Variants in TMEM232 observed in about 807,000 individuals in gnomAD.
The protein encoded by TMEM232 is transmembrane protein 232.
A neutral mutation model predicts 78.8 loss-of-function variants in TMEM232; 80 were observed. The observed-to-expected ratio is 1.01, with a 90% CI of 0.85 to 1.22. The LOEUF (loss-of-function observed/expected upper bound fraction) is 1.22, where lower values mean the gene tolerates loss of function less well. Ranked by LOEUF, TMEM232 falls within the 50% of genes most tolerant of loss-of-function variation. The pLI, the probability that TMEM232 is intolerant of heterozygous loss-of-function variation, is 0.00. For missense variants in TMEM232, 881 were observed against 742.2 expected (o/e 1.19, Z -2.17); for synonymous variants, 297 against 254.3 (o/e 1.17, Z -1.60).
intron 11 of TMEM232, among the ~76,000 whole-genome samples, chr5:110,564,239 T>C (rs527723615): frequency 1.3e-5 from 2 of 151,940 alleles, no homozygotes; most frequent in Non-Finnish European, 2.9e-5. Flanking sequence ...AAAATATGTA[T>C]TTCCTGATTA....
rs541221302 is a variant in TMEM232 at position 110,447,199 on chromosome 5, T to C, written c.1704-22283A>G. Reference sequence around the variant, plus strand: ...GCTTTTGCAGGTCACACAAAATGATTTTAAAAGGAAATCAAAGAAAGTTGA... The same window carrying C: ...GCTTTTGCAGGTCACACAAAATGATCTTAAAAGGAAATCAAAGAAAGTTGA... On this transcript the variant is annotated intron_variant, in intron 12 of 13. Transcript: ENST00000455884. Among the ~76,000 whole-genome samples the C allele has an allele frequency of 4.0e-5, 6 of 151,812 alleles. No individual in the cohort carries two copies. In the South Asian group the frequency reaches 1.2e-3, roughly 32 times the overall value.
intron 2 of TMEM232, among the ~76,000 whole-genome samples, chr5:110,657,400 T>TGC (rs1320372314): frequency 6.6e-6 from 1 of 151,858 alleles, no homozygotes; most frequent in Non-Finnish European, 1.5e-5. Context: ...TGTGTGTGTG[T>TGC]GTGTGTGTAG....
chr5:110,691,586 A>G (rs1794125741), intron 1 of TMEM232, among the ~76,000 whole-genome samples: 2 of 152,224 alleles, frequency 1.3e-5, no homozygotes, highest in South Asian at 4.1e-4. Context: ...CCTACATACT[A>G]AAACTGAACT....
chr5:110,707,141 C>T (rs1192748292), intron 1 of TMEM232, among the ~76,000 whole-genome samples: 1 of 152,114 alleles, frequency 6.6e-6, no homozygotes, highest in African/African-American at 2.4e-5. Context: ...TGCAGGAACA[C>T]CAAATTTTAA....
chr5:110,725,510 C>A (rs926757590), intron 1 of TMEM232: 2 of 152,128 alleles, frequency 1.3e-5, no homozygotes, highest in African/African-American at 4.8e-5. Flanking sequence ...ATGAATCAGA[C>A]GTTCAGCAAG....
At position 110,568,640 on chromosome 5, in the gene TMEM232, A is replaced by G. The variant is rs775277730; in HGVS notation, c.1277-15T>C. ...TACTTGATCACCTGTTTAAAAAGAA[A>G]AAGTCTTTGGGAATTATCATTTTAT... On this transcript the variant is annotated splice_polypyrimidine_tract_variant and intron_variant, in intron 10 of 13. Transcript: ENST00000455884. 2 of 1,522,874 alleles carry G rather than the reference A, an allele frequency of 1.3e-6. No individual in the cohort carries two copies. Among genetic ancestry groups the G allele is most frequent in the South Asian group, 1.3e-5 (1 of 78,320 alleles). The allele number at this position is 1,522,874 out of a possible 1,614,324, so 94.3% of individuals were successfully genotyped here.
intron 1 of TMEM232, among the ~76,000 whole-genome samples, chr5:110,696,958 A>C (rs551707097): frequency 6.6e-6 from 1 of 152,326 alleles, no homozygotes; most frequent in South Asian, 2.1e-4. Context: ...TTTAAAGTTC[A>C]TATGGAACCA....
rs1758986348 is a variant in TMEM232, at chr5:110,441,082, CTGTTCATGGTTCT to C, written c.1704-16179_1704-16167del. Among the ~76,000 whole-genome samples the C allele has an allele frequency of 3.3e-5, 5 of 152,116 alleles. No homozygotes were observed. The South Asian group carries it at 1.0e-3, about 32-fold the overall frequency. On this transcript the variant is annotated intron_variant, in intron 12 of 13. Coordinates refer to ENST00000455884, the MANE Select transcript of TMEM232 (RefSeq NM_001039763.4). ...CTGCTTTGACGCAGGTATGTCACTT[CTGTTCATGGTTCT>C]TGCCAAAAAATGCAAGTCTCTGGAT...
In TMEM232 at chr5:110,507,980, A is replaced by G. The variant is rs567963531; in HGVS notation, c.1703+20608T>C. Among the ~76,000 whole-genome samples the G allele has an allele frequency of 8.7e-4, 132 of 152,328 alleles. 1 individual carries two copies. Among genetic ancestry groups the G allele is most frequent in the African/African-American group, 3.1e-3 (130 of 41,586 alleles). On this transcript the variant is annotated intron_variant, in intron 12 of 13. Transcript: ENST00000455884. ...CTTTGCTTGATATCTGTATGCTAATAGGTGGTTGACTTGTCAGCCAACTGT... is the reference window on the plus strand; with the variant it reads ...CTTTGCTTGATATCTGTATGCTAATGGGTGGTTGACTTGTCAGCCAACTGT...
chr5:110,652,284 G>A (rs894473640), intron 2 of TMEM232, among the ~76,000 whole-genome samples: 12 of 26,380 alleles, frequency 4.5e-4, no homozygotes, highest in Admixed American at 2.2e-3. Flanking sequence ...ACACAAAAGT[G>A]CACGCGCGCG....
intron 1 of TMEM232, among the ~76,000 whole-genome samples, chr5:110,724,020 T>G (rs1368974132): frequency 1.3e-5 from 2 of 152,098 alleles, no homozygotes; most frequent in African/African-American, 4.8e-5. Flanking sequence ...TGAACCACAG[T>G]CAAGTTGTTG....
At chr5:110,618,168 T>C (rs6882222) in intron 8 of TMEM232, among the ~76,000 whole-genome samples, 59,567 of 151,906 alleles carry the variant, frequency 0.39, 16,166 homozygotes, top group African/African-American at 0.77. Context: ...AACTTTTTGT[T>C]AATAAAAAAC....
At chr5:110,705,378 A>G (rs1795823719) in intron 1 of TMEM232, among the ~76,000 whole-genome samples, 1 of 152,130 alleles carries the variant, frequency 6.6e-6, no homozygotes, top group African/African-American at 2.4e-5. Context: ...ATACTTACCA[A>G]TCTAAATAGA....
At chr5:110,395,498 G>C (rs1580546581) in intron 3 of TMEM232, among the ~76,000 whole-genome samples, 2 of 152,050 alleles carry the variant, frequency 1.3e-5, no homozygotes, top group Non-Finnish European at 1.5e-5. Flanking sequence ...CTCATGTCTC[G>C]ACTCTTATTT....
chr5:110,726,145 G>A (rs1255630486), intron 1 of TMEM232, among the ~76,000 whole-genome samples: 6 of 128,378 alleles, frequency 4.7e-5, no homozygotes, highest in African/African-American at 9.9e-5. Context: ...CACACAGAGC[G>A]CCAAATTTTT....
At chr5:110,461,987 T>G (rs978042547) in intron 12 of TMEM232, among the ~76,000 whole-genome samples, 2 of 152,220 alleles carry the variant, frequency 1.3e-5, no homozygotes, top group South Asian at 2.1e-4. Flanking sequence ...GTTGGTTTCA[T>G]GTCTTTTAAC....
chr5:110,516,612 T>C (rs1768694864), intron 12 of TMEM232, among the ~76,000 whole-genome samples: 1 of 152,044 alleles, frequency 6.6e-6, no homozygotes, highest in African/African-American at 2.4e-5. Flanking sequence ...TTTAAAAAAA[T>C]GCTGAGGGGC....
In TMEM232 at chr5:110,537,292, T is replaced by TATA. The variant is rs563922305; in HGVS notation, c.1456-8458_1456-8457insTAT. ...AAGAGAAAACTTATATATATATATA[T>TATA]TTTTTTTTTTCTGCAATGCTGTTTG... On this transcript the variant is annotated intron_variant, in intron 11 of 13. Coordinates refer to ENST00000455884, the MANE Select transcript of TMEM232 (RefSeq NM_001039763.4). Among the ~76,000 whole-genome samples, 708 of 138,580 alleles carry TATA rather than the reference T, an allele frequency of 5.1e-3. 9 individuals are homozygous for TATA. The highest frequency in any genetic ancestry group is 0.02 in the African/African-American group (677 of 34,116). 90.9% of individuals were successfully genotyped at this position (138,580 alleles called of 152,430 possible).
At chr5:110,426,741 G>GA (rs141732960) in intron 12 of TMEM232, among the ~76,000 whole-genome samples, 2,491 of 152,082 alleles carry the variant, frequency 0.016, 81 homozygotes, top group African/African-American at 0.058. Flanking sequence ...CTGTATTACA[G>GA]AAAAATATGA....
Sources: allele counts gnomAD v4.1 joint callset (sites outside exome capture counted in the v4.1 genomes callset), GRCh38; gene constraint gnomAD v4.1.1; transcripts MANE v1.5; gene names NCBI Gene and HGNC (gene_info 2026-07-23, HGNC 2026-07-21).